Variants in ZBTB20 observed in about 807,000 individuals in gnomAD.
ZBTB20 encodes zinc finger and BTB domain-containing protein 20.
In ZBTB20, 9 loss-of-function variants were observed where a neutral mutation model predicts 56.9. The ratio of observed to expected loss-of-function variants is 0.16; its 90% CI spans 0.10 to 0.28. The LOEUF is 0.28. ZBTB20 is among the 10% of genes least tolerant of loss of function. The pLI is 1.00. For missense variants in ZBTB20, 655 were observed against 1,003.0 expected (o/e 0.65, Z 4.69); for synonymous variants, 417 against 420.7 (o/e 0.99, Z 0.11).
In ZBTB20 at chr3:114,407,354, T is replaced by C. The variant is rs1490686056; in HGVS notation, c.-254-18249A>G. Among the ~76,000 whole-genome samples the C allele has an allele frequency of 2.0e-5, 3 of 152,202 alleles. No individual in the cohort carries two copies. In the South Asian group the frequency reaches 6.2e-4, roughly 31 times the overall value. On this transcript the variant is annotated intron_variant, in intron 7 of 11. Coordinates refer to ENST00000675478, the MANE Select transcript of ZBTB20 (RefSeq NM_001348800.3). ...TACCAGAAAGTGGATTTTGAGGTAT[T>C]ATTGTGTAACACAGAGTGAAACATT...
Position 115,012,810 on chromosome 3 carries a change from C to T in ZBTB20, c.-506-38394G>A, listed in dbSNP as rs78390015. On this transcript the variant is annotated intron_variant, in intron 2 of 11. Coordinates refer to ENST00000675478, the MANE Select transcript of ZBTB20 (RefSeq NM_001348800.3). ...AGTTCATACTCAAGGATAGACCATA[C>T]GTCGGGTCACAAAACAAGTCTTAAG... 8.4e-3 allele frequency among the ~76,000 whole-genome samples: 1,275 copies of T among 151,722 alleles called. 14 individuals are homozygous for T. Among genetic ancestry groups the T allele is most frequent in the African/African-American group, 0.029 (1,187 of 41,484 alleles).
intron 4 of ZBTB20, among the ~76,000 whole-genome samples, chr3:114,824,960 T>C (rs1482610087): frequency 2.0e-5 from 3 of 151,940 alleles, no homozygotes; most frequent in Non-Finnish European, 2.9e-5. Flanking sequence ...TTGTGACCAA[T>C]GAGGTTTGAC....
intron 4 of ZBTB20, among the ~76,000 whole-genome samples, chr3:114,858,695 C>T (rs1348454091): frequency 6.6e-6 from 1 of 152,194 alleles, no homozygotes; most frequent in Non-Finnish European, 1.5e-5. Flanking sequence ...GTCTTTGCTT[C>T]ACACCCTTTT....
intron 2 of ZBTB20, among the ~76,000 whole-genome samples, chr3:115,008,837 G>A (rs768033458): frequency 1.3e-5 from 2 of 151,870 alleles, no homozygotes; most frequent in African/African-American, 2.4e-5. Flanking sequence ...TCTGCTAGTA[G>A]AATGTACCTA....
At chr3:114,670,307 G>A (rs2061293888) in intron 6 of ZBTB20, among the ~76,000 whole-genome samples, 1 of 152,014 alleles carries the variant, frequency 6.6e-6, no homozygotes, top group Non-Finnish European at 1.5e-5. Context: ...TACTTCCTAG[G>A]AAGATACTAG....
chr3:114,666,531 T>C (rs1266652128), intron 6 of ZBTB20, among the ~76,000 whole-genome samples: 1 of 152,028 alleles, frequency 6.6e-6, no homozygotes, highest in Non-Finnish European at 1.5e-5. Flanking sequence ...TAAGTGGTGA[T>C]AGACTTCAAA....
intron 7 of ZBTB20, among the ~76,000 whole-genome samples, chr3:114,474,827 C>T (rs142243052): frequency 4.9e-4 from 74 of 152,248 alleles, no homozygotes; most frequent in Admixed American, 1.4e-3. Flanking sequence ...TCCCTCTGCC[C>T]CTGCCCTAGT....
intron 5 of ZBTB20, among the ~76,000 whole-genome samples, chr3:114,794,323 C>T (rs1355434079): frequency 6.6e-6 from 1 of 151,922 alleles, no homozygotes; most frequent in Non-Finnish European, 1.5e-5. Context: ...GACTCATCTC[C>T]TGCACTTAAT....
chr3:115,039,163 T>A (rs1362805322), intron 2 of ZBTB20, among the ~76,000 whole-genome samples: 1 of 151,930 alleles, frequency 6.6e-6, no homozygotes, highest in African/African-American at 2.4e-5. Context: ...CCCACTCTCA[T>A]CAGCAATGGT....
chr3:115,075,809 C>G (rs1319529962), intron 1 of ZBTB20, among the ~76,000 whole-genome samples: 2 of 151,876 alleles, frequency 1.3e-5, no homozygotes, highest in Non-Finnish European at 2.9e-5. Flanking sequence ...GAAACAAAAG[C>G]CATTCAAATT....
chr3:115,032,971 A>C (rs1308449923), intron 2 of ZBTB20, among the ~76,000 whole-genome samples: 4 of 149,806 alleles, frequency 2.7e-5, no homozygotes, highest in Non-Finnish European at 6.0e-5. Flanking sequence ...AAAAAAAAAA[A>C]AAAAAACAAA....
chr3:115,064,443 CTTTTTTTTTTT>C (rs34098178), intron 2 of ZBTB20, among the ~76,000 whole-genome samples: 7 of 78,072 alleles, frequency 9.0e-5, no homozygotes, highest in South Asian at 5.9e-4. Flanking sequence ...TCTCATAATT[CTTTTTTTTTTT>C]TTTTTTTTTT....
chr3:115,125,391 C>T (rs1399539651), intron 1 of ZBTB20, among the ~76,000 whole-genome samples: 3 of 151,484 alleles, frequency 2.0e-5, no homozygotes, highest in Non-Finnish European at 4.4e-5. Flanking sequence ...CAATGGAATA[C>T]TATTCTGCAT....
intron 7 of ZBTB20, among the ~76,000 whole-genome samples, chr3:114,419,592 C>G (rs2088936226): frequency 6.6e-6 from 1 of 152,070 alleles, no homozygotes; most frequent in South Asian, 2.1e-4. Flanking sequence ...CATTAAGACA[C>G]AGGACAAATC....
intron 5 of ZBTB20, among the ~76,000 whole-genome samples, chr3:114,703,606 C>A (rs1005380755): frequency 6.6e-6 from 1 of 152,038 alleles, no homozygotes; most frequent in African/African-American, 2.4e-5. Flanking sequence ...ACCCTTCTCA[C>A]TAAAACAAAA....
At chr3:114,392,744 G>A (rs1039260915) in intron 7 of ZBTB20, among the ~76,000 whole-genome samples, 2 of 152,228 alleles carry the variant, frequency 1.3e-5, no homozygotes, top group Non-Finnish European at 2.9e-5. Context: ...TTGCCTCTGA[G>A]TCTGTTCAAA....
In ZBTB20 at chr3:114,320,152, T is replaced by C. The variant is rs903327155; in HGVS notation, c.*18853A>G. The C allele has an allele frequency of 1.3e-5, 2 of 152,222 alleles. No homozygotes were observed. The highest frequency in any genetic ancestry group is 4.8e-5 in the African/African-American group (2 of 41,460). The allele number at this position is 152,222 out of a possible 1,614,324, so 9.4% of individuals were successfully genotyped here. On this transcript the variant is annotated 3_prime_UTR_variant, in exon 12 of 12. Transcript: ENST00000675478. ...TTTCTTACTTGATGATATTAATCTT[T>C]CATGTGGGATGTAGTTTGTATGTGT...
At chr3:114,427,966 C>T (rs556414129) in intron 7 of ZBTB20, among the ~76,000 whole-genome samples, 2 of 152,272 alleles carry the variant, frequency 1.3e-5, no homozygotes, top group African/African-American at 2.4e-5. Flanking sequence ...GGAAGAAGTG[C>T]CCACAGCCAT....
intron 2 of ZBTB20, among the ~76,000 whole-genome samples, chr3:114,975,279 T>A (rs935923121): frequency 6.6e-6 from 1 of 152,192 alleles, no homozygotes; most frequent in Non-Finnish European, 1.5e-5. Flanking sequence ...AAATTTGCTA[T>A]GAAATCTCAA....
Sources: gnomAD v4.1 joint callset for allele counts (sites outside exome capture counted in the v4.1 genomes callset) on GRCh38, gnomAD v4.1.1 for gene constraint, MANE v1.5 for transcripts, NCBI Gene and HGNC (gene_info 2026-07-23, HGNC 2026-07-21) for gene names.